Variants in PCDHGB1 observed in about 807,000 individuals in gnomAD.
PCDHGB1 encodes the protein protocadherin gamma-B1.
In PCDHGB1, 34 loss-of-function variants were observed where a neutral mutation model predicts 56.6. That is an observed-to-expected ratio of 0.60 (90% CI 0.46 to 0.80). The LOEUF (loss-of-function observed/expected upper bound fraction) is 0.80, where lower values mean the gene tolerates loss of function less well. Among genes scored for constraint, PCDHGB1 ranks in the 30% least tolerant of loss-of-function variants. The pLI is 0.00. For synonymous variants in PCDHGB1, 561 were observed against 505.9 expected (o/e 1.11, Z -1.46); for missense variants, 1,278 against 1,204.6 (o/e 1.06, Z -0.90).
At chr5:141,367,574 ATC>A (rs1765238671) in intron 1 of PCDHGB1, 1 of 151,104 alleles carries the variant, frequency 6.6e-6, no homozygotes, top group Middle Eastern at 3.4e-3. Flanking sequence ...ATAAATAAAT[ATC>A]AGAAAAGTAG....
intron 1 of PCDHGB1, among the ~76,000 whole-genome samples, chr5:141,357,949 G>T (rs1020831808): frequency 1.3e-5 from 2 of 152,118 alleles, no homozygotes; most frequent in Non-Finnish European, 2.9e-5. Flanking sequence ...TAACACTTTG[G>T]GAGTGTGAGG....
intron 1 of PCDHGB1, chr5:141,417,728 T>A: frequency 7.3e-7 from 1 of 1,373,610 alleles, no homozygotes; most frequent in Non-Finnish European, 9.6e-7. Flanking sequence ...GCGCAGACCT[T>A]GCCCAGCACA....
At chr5:141,433,400 TATCTATTA>T (rs1426636766) in intron 1 of PCDHGB1, among the ~76,000 whole-genome samples, 16 of 151,506 alleles carry the variant, frequency 1.1e-4, no homozygotes, top group African/African-American at 3.4e-4. Context: ...TCTATCTATC[TATCTATTA>T]CTTTCTTGTA....
At position 141,355,369 on chromosome 5, in the gene PCDHGB1, C is replaced by T. The variant is rs1339855222; in HGVS notation, c.2409+2700C>T. The T allele has an allele frequency of 3.1e-6, 5 of 1,613,922 alleles. No homozygotes were observed. The African/African-American group carries it at 5.3e-5, about 17-fold the overall frequency. On this transcript the variant is annotated intron_variant, in intron 1 of 3. Coordinates refer to ENST00000523390, the MANE Select transcript of PCDHGB1 (RefSeq NM_018922.3). The stretch of plus-strand genomic sequence containing the variant: ...CGCCAAGGACCTGGGGTTGGCGCCC[C>T]GGGAGCTGGCGGAGCGCGGAGTCCG...
intron 1 of PCDHGB1, chr5:141,427,778 A>T: frequency 1.4e-6 from 2 of 1,436,676 alleles, no homozygotes; most frequent in Non-Finnish European, 1.9e-6. Context: ...AGCTGCGGGC[A>T]CTGTCGTCCT....
At chr5:141,364,952 C>G in intron 1 of PCDHGB1, 1 of 1,613,948 alleles carries the variant, frequency 6.2e-7, no homozygotes, top group Non-Finnish European at 8.5e-7. Context: ...AGAGACTGTT[C>G]ACGACCTCCT....
chr5:141,417,004 AT>A (rs1462550813), intron 1 of PCDHGB1: 1 of 149,888 alleles, frequency 6.7e-6, no homozygotes, highest in African/African-American at 2.5e-5. Context: ...ATCTCAAATA[AT>A]TCTATTATTT....
chr5:141,442,675 G>A (rs1381554808), intron 1 of PCDHGB1, among the ~76,000 whole-genome samples: 1 of 152,248 alleles, frequency 6.6e-6, no homozygotes, highest in Admixed American at 6.5e-5. Context: ...GTGAGCTTGA[G>A]GGACAGTAGT....
At chr5:141,413,244 C>T in intron 1 of PCDHGB1, 3 of 1,613,984 alleles carry the variant, frequency 1.9e-6, no homozygotes, top group Non-Finnish European at 2.5e-6. Flanking sequence ...TCTGCCTTTT[C>T]TTCGGGATTC....
At chr5:141,481,216 G>T (rs2099534005) in intron 1 of PCDHGB1, among the ~76,000 whole-genome samples, 3 of 152,110 alleles carry the variant, frequency 2.0e-5, no homozygotes, top group Admixed American at 6.5e-5. Flanking sequence ...ACATGGTAAG[G>T]TCTCCCAGCC....
chr5:141,440,075 T>C (rs2098148518), intron 1 of PCDHGB1: 1 of 152,428 alleles, frequency 6.6e-6, no homozygotes, highest in Non-Finnish European at 1.5e-5. Flanking sequence ...TGAGGAATAA[T>C]ACTTCATTCT....
chr5:141,365,651 A>C (rs774193854), intron 1 of PCDHGB1: 53 of 1,613,528 alleles, frequency 3.3e-5, no homozygotes, highest in Non-Finnish European at 4.3e-5. Flanking sequence ...CATCCCCTTG[A>C]AAGTAGCAGA....
At chr5:141,474,920 C>A (rs1363277892) in intron 1 of PCDHGB1, among the ~76,000 whole-genome samples, 2 of 152,232 alleles carry the variant, frequency 1.3e-5, no homozygotes, top group Admixed American at 6.5e-5. Context: ...TACATCTCAT[C>A]TCTGGCTTAT....
intron 1 of PCDHGB1, among the ~76,000 whole-genome samples, chr5:141,463,944 T>C (rs1454454223): frequency 3.3e-5 from 5 of 152,158 alleles, no homozygotes; most frequent in African/African-American, 4.8e-5. Flanking sequence ...TTTATAGAAA[T>C]CTTCATTTTT....
chr5:141,390,679 C>T (rs1180129734), intron 1 of PCDHGB1: 1 of 185,884 alleles, frequency 5.4e-6, no homozygotes, highest in Non-Finnish European at 1.1e-5. Flanking sequence ...AATAATAAAG[C>T]CAAAGAATTT....
chr5:141,485,666 A>G lies in PCDHGB1; in HGVS notation c.2410-9141A>G. ...GGCTCAGGATGCAGATGTGGGGAGC[A>G]ATTCGATTAGCAGCTATAGGCTGAG... On this transcript the variant is annotated intron_variant, in intron 1 of 3. Coordinates refer to ENST00000523390, the MANE Select transcript of PCDHGB1 (RefSeq NM_018922.3). The surrounding 1 kb of genome is among the most constrained non-coding windows in gnomAD (Gnocchi z 5.7). 1 of 1,612,786 alleles carries G rather than the reference A, an allele frequency of 6.2e-7. No homozygotes were observed. Among genetic ancestry groups the G allele is most frequent in the Non-Finnish European group, 8.5e-7 (1 of 1,178,960 alleles).
In PCDHGB1 at chr5:141,393,943, G is replaced by A. The variant is rs186465469; in HGVS notation, c.2409+41274G>A. Reference sequence around the variant, plus strand: ...TTGAGTGTGCATGACCAAGACTCTGGAAAGAATGGTCAAGTTGTCTGTTAC... The same window carrying A: ...TTGAGTGTGCATGACCAAGACTCTGAAAAGAATGGTCAAGTTGTCTGTTAC... On this transcript the variant is annotated intron_variant, in intron 1 of 3. Transcript: ENST00000523390. 1.6e-5 allele frequency: 26 copies of A among 1,613,936 alleles called. No homozygotes were observed. The East Asian group carries it at 3.1e-4, about 19-fold the overall frequency.
intron 1 of PCDHGB1, chr5:141,395,547 TGTGTGTGTGTGTGTGTGTGTGTGTGTG>T: frequency 5.8e-6 from 1 of 173,894 alleles, no homozygotes; most frequent in Non-Finnish European, 1.2e-5. Flanking sequence ...ATTGTTTGTG[TGTGTGTGTGTGTGTGTGTGTGTGTGTG>T]TGTGTGTGTG....
chr5:141,439,289 T>C (rs1454088176), intron 1 of PCDHGB1, among the ~76,000 whole-genome samples: 1 of 151,850 alleles, frequency 6.6e-6, no homozygotes, highest in African/African-American at 2.4e-5. Flanking sequence ...CTGTGTTCCA[T>C]GGAAAAAGTA....
Sources: allele counts gnomAD v4.1 joint callset (sites outside exome capture counted in the v4.1 genomes callset), GRCh38; gene constraint gnomAD v4.1.1; non-coding constraint Gnocchi (gnomAD v3.1); transcripts MANE v1.5; gene names NCBI Gene and HGNC (gene_info 2026-07-23, HGNC 2026-07-21).